The following C2CD5 variants were observed in gnomAD, a reference collection of about 807,000 sequenced individuals.
C2CD5 encodes the protein C2 domain-containing protein 5.
Under a neutral mutation model 130.3 loss-of-function variants are expected in C2CD5, and 109 were observed. The ratio of observed to expected loss-of-function variants is 0.84; its 90% CI spans 0.72 to 0.98. The LOEUF is 0.98. C2CD5 is among the 50% of genes least tolerant of loss of function. The pLI, the probability that C2CD5 is intolerant of heterozygous loss-of-function variation, is 0.00. For synonymous variants in C2CD5, 454 were observed against 429.2 expected, an observed-to-expected ratio of 1.06 and a Z score of -0.71; for missense variants, 996 against 1,261.8, an observed-to-expected ratio of 0.79 and a Z score of 3.19.
intron 15 of C2CD5, 90 bp from the exon 16 acceptor site, chr12:22,474,981 G>C: frequency 1.2e-6 from 1 of 801,038 alleles, no homozygotes; most frequent in Non-Finnish European, 1.8e-6. Context: ...CCTACCTGTG[G>C]AGAAAAAGCC....
intron 15 of C2CD5, among the ~76,000 whole-genome samples, chr12:22,477,541 T>C (rs1944022223): frequency 6.6e-6 from 1 of 152,184 alleles, no homozygotes; most frequent in Non-Finnish European, 1.5e-5. Flanking sequence ...CTTTAAGTTT[T>C]AGGGTACATG....
intron 8 of C2CD5, 41 bp from the exon 9 acceptor site, chr12:22,513,420 C>T: frequency 7.9e-7 from 1 of 1,272,974 alleles, no homozygotes; most frequent in Non-Finnish European, 1.1e-6. Flanking sequence ...AAAAAAGCAA[C>T]TATAGAAACA....
At chr12:22,451,736 G>T (rs2135935554) in intron 26 of C2CD5, among the ~76,000 whole-genome samples, 1 of 151,862 alleles carries the variant, frequency 6.6e-6, no homozygotes. Context: ...ACCAAACAAT[G>T]CAATCTACCT....
intron 10 of C2CD5, among the ~76,000 whole-genome samples, chr12:22,494,889 A>G (rs1469609564): frequency 1.3e-5 from 2 of 152,034 alleles, no homozygotes; most frequent in Non-Finnish European, 2.9e-5. Flanking sequence ...TTTCAAATCC[A>G]TACTCTCTTT....
At chr12:22,466,895 T>C (rs1164843420) in intron 22 of C2CD5, among the ~76,000 whole-genome samples, 1 of 152,236 alleles carries the variant, frequency 6.6e-6, no homozygotes, top group Admixed American at 6.5e-5. Context: ...CAATAAAGGG[T>C]GGCATAATCA....
chr12:22,509,474 C>T (rs920047859), intron 9 of C2CD5, among the ~76,000 whole-genome samples: 1 of 152,114 alleles, frequency 6.6e-6, no homozygotes, highest in Non-Finnish European at 1.5e-5. Flanking sequence ...GAGGCCACGA[C>T]CCACTCTCCA....
chr12:22,520,329 C>T (rs895925882), intron 7 of C2CD5, among the ~76,000 whole-genome samples: 2 of 152,102 alleles, frequency 1.3e-5, no homozygotes, highest in Admixed American at 6.5e-5. Context: ...TTTTCCATTG[C>T]TATATTACTG....
At chr12:22,459,216 C>G (rs2136024109) in intron 23 of C2CD5, among the ~76,000 whole-genome samples, 1 of 151,998 alleles carries the variant, frequency 6.6e-6, no homozygotes. Flanking sequence ...CTTTTAAAAA[C>G]AATAACTTTT....
chr12:22,460,666 C>G (rs1421822585), intron 22 of C2CD5: 14 of 152,148 alleles, frequency 9.2e-5, no homozygotes, highest in Admixed American at 9.2e-4. Context: ...CAACCTCCAC[C>G]TGCCAGCTTC....
chr12:22,542,157 T>C (rs1471965277), intron 2 of C2CD5, among the ~76,000 whole-genome samples: 1 of 152,260 alleles, frequency 6.6e-6, no homozygotes, highest in Non-Finnish European at 1.5e-5. Context: ...ACTTCCCATC[T>C]GTCTAGTCCA....
At chr12:22,504,426 C>T (rs1314936385) in intron 10 of C2CD5, among the ~76,000 whole-genome samples, 1 of 151,846 alleles carries the variant, frequency 6.6e-6, no homozygotes, top group Non-Finnish European at 1.5e-5. Flanking sequence ...CTCAGCCTCC[C>T]GAGTAGCTGG....
chr12:22,501,330 C>T (rs369099238), intron 10 of C2CD5, among the ~76,000 whole-genome samples: 2 of 152,074 alleles, frequency 1.3e-5, no homozygotes, highest in Non-Finnish European at 2.9e-5. Context: ...GGGACAACGT[C>T]CTTACTATGT....
Position 22,457,135 on chromosome 12 carries a change from C to A in C2CD5, c.2713G>T (p.Val905Leu). 6.2e-7 allele frequency: 1 copy of A among 1,603,818 alleles called. No homozygotes were observed. The highest frequency in any genetic ancestry group is 1.7e-5 in the Admixed American group (1 of 57,814). ...TTMTVEKASP[V>L]GDGNFRNRSA... The stretch of plus-strand genomic sequence containing the variant: ...CGATTCCGGAAATTTCCATCACCCA[C>A]TGGACTTGCTTTTTCAACTGTCATG... Residue 905 changes from valine to leucine, a missense_variant, in exon 25 of 27, where the codon GTG (valine) becomes TTG (leucine). Physicochemically the swap from Val to Leu is conservative, Grantham distance 32. This residue lies in a region of C2CD5 where 590 missense variants were observed against 631.4 expected (regional missense o/e 0.93). Transcript: ENST00000446597.
intron 10 of C2CD5, 103 bp from the exon 11 acceptor site, chr12:22,493,440 T>C (rs980376683): frequency 4.9e-6 from 3 of 610,440 alleles, no homozygotes; most frequent in Non-Finnish European, 8.5e-6. Flanking sequence ...AGAAGTTTTA[T>C]TCTATAATGG....
At chr12:22,455,335 T>A (rs1158335768) in intron 25 of C2CD5, among the ~76,000 whole-genome samples, 2 of 152,194 alleles carry the variant, frequency 1.3e-5, no homozygotes, top group Non-Finnish European at 2.9e-5. Flanking sequence ...AGAAAACGAC[T>A]CAGGCAATTA....
chr12:22,516,885 C>T (rs1949776102), intron 8 of C2CD5, among the ~76,000 whole-genome samples: 1 of 151,762 alleles, frequency 6.6e-6, no homozygotes, highest in Non-Finnish European at 1.5e-5. Flanking sequence ...GTGCCAAATT[C>T]CAAAGCATCC....
chr12:22,492,671 T>C (rs1946501410), intron 11 of C2CD5, among the ~76,000 whole-genome samples: 1 of 151,940 alleles, frequency 6.6e-6, no homozygotes, highest in East Asian at 1.9e-4. Context: ...AAGGAGGAGA[T>C]TGTTCAAATG....
chr12:22,510,340 G>A (rs1949049859), intron 9 of C2CD5, among the ~76,000 whole-genome samples: 2 of 152,180 alleles, frequency 1.3e-5, no homozygotes, highest in African/African-American at 2.4e-5. Context: ...AGCTTTCCCT[G>A]TGGTACCTAG....
At chr12:22,465,106 G>T (rs989373707) in intron 22 of C2CD5, among the ~76,000 whole-genome samples, 2 of 152,042 alleles carry the variant, frequency 1.3e-5, no homozygotes, top group Non-Finnish European at 2.9e-5. Context: ...TGTATTGTGG[G>T]TATAAGCCAA....
Sources: gnomAD v4.1 joint callset for allele counts (sites outside exome capture counted in the v4.1 genomes callset) on GRCh38, gnomAD v4.1.1 for gene constraint, gnomAD v4.1.1 regional missense constraint, MANE v1.5 for transcripts, NCBI Gene and HGNC (gene_info 2026-07-23, HGNC 2026-07-21) for gene names.